METTL15: variants seen among roughly 807,000 people sequenced by gnomAD.
METTL15 encodes the protein methyltransferase 15, mitochondrial 12S rRNA N4-cytidine.
In METTL15, 34 loss-of-function variants were observed where a neutral mutation model predicts 38.3. That is an observed-to-expected ratio of 0.89 (90% CI 0.68 to 1.18). METTL15 has a LOEUF of 1.18. Ranked by LOEUF, METTL15 falls within the 50% of genes most tolerant of loss-of-function variation. The probability of loss-of-function intolerance (pLI) is 0.00; values close to 1 mark genes in which losing one functional copy is unlikely to be tolerated. For synonymous variants in METTL15, 162 were observed against 170.9 expected, an observed-to-expected ratio of 0.95 and a Z score of 0.41; for missense variants, 438 against 498.4, an observed-to-expected ratio of 0.88 and a Z score of 1.15.
chr11:28,438,647 G>C (rs1034551741), intron 6 of METTL15, among the ~76,000 whole-genome samples: 1 of 149,348 alleles, frequency 6.7e-6, no homozygotes, highest in Non-Finnish European at 1.5e-5. Flanking sequence ...TATAGATCAC[G>C]CTTTTTTTTT....
At chr11:28,152,324 C>T (rs936386396) in intron 3 of METTL15, among the ~76,000 whole-genome samples, 1 of 151,796 alleles carries the variant, frequency 6.6e-6, no homozygotes, top group African/African-American at 2.4e-5. Context: ...ACTAATGTCC[C>T]TTATGTTGAA....
chr11:28,472,812 C>CA (rs1851313957), intron 6 of METTL15, among the ~76,000 whole-genome samples: 1 of 152,096 alleles, frequency 6.6e-6, no homozygotes, highest in Admixed American at 6.6e-5. Context: ...TGAAAGAAAA[C>CA]AATAAACAAG....
At chr11:28,521,331 G>T (rs1851763415) in intron 6 of METTL15, among the ~76,000 whole-genome samples, 1 of 152,292 alleles carries the variant, frequency 6.6e-6, no homozygotes, top group African/African-American at 2.4e-5. Context: ...GGGCCCTCTA[G>T]TGCACTATTT....
intron 3 of METTL15, among the ~76,000 whole-genome samples, chr11:28,152,640 T>C (rs1850130638): frequency 6.6e-6 from 1 of 151,954 alleles, no homozygotes; most frequent in African/African-American, 2.4e-5. Flanking sequence ...CAGGATCCCC[T>C]TGGATACCAA....
At chr11:28,339,036 A>G (rs555581106) in intron 3 of METTL15, among the ~76,000 whole-genome samples, 14 of 152,242 alleles carry the variant, frequency 9.2e-5, no homozygotes, top group Admixed American at 2.6e-4. Context: ...TGGGAAGTAC[A>G]TGTAAATTTG....
intron 3 of METTL15, among the ~76,000 whole-genome samples, chr11:28,192,055 T>C (rs1018408849): frequency 2.0e-5 from 3 of 151,838 alleles, no homozygotes; most frequent in South Asian, 4.1e-4. Context: ...ACATCAAACA[T>C]AGGCAACTAA....
At chr11:28,140,932 C>T (rs571578515) in intron 3 of METTL15, among the ~76,000 whole-genome samples, 1 of 152,316 alleles carries the variant, frequency 6.6e-6, no homozygotes, top group South Asian at 2.1e-4. Context: ...GTGGGAGGTT[C>T]TCCAGGGATC....
chr11:28,119,095 C>T (rs941831085), intron 3 of METTL15, among the ~76,000 whole-genome samples: 1 of 152,100 alleles, frequency 6.6e-6, no homozygotes, highest in Admixed American at 6.6e-5. Flanking sequence ...CAGGTTTTAC[C>T]TTTTTATGGG....
intron 4 of METTL15, among the ~76,000 whole-genome samples, chr11:28,234,730 A>G (rs1227284801): frequency 1.1e-4 from 16 of 139,534 alleles, no homozygotes; most frequent in African/African-American, 2.2e-4. Context: ...AGTAGGTTGC[A>G]AAAATTTTCT....
At chr11:28,297,407 A>G (rs1856779652) in intron 6 of METTL15, among the ~76,000 whole-genome samples, 1 of 152,180 alleles carries the variant, frequency 6.6e-6, no homozygotes, top group Admixed American at 6.6e-5. Flanking sequence ...ATGCTAAAAT[A>G]AAATACAGTG....
chr11:28,431,924 A>G (rs1010246576), intron 6 of METTL15, among the ~76,000 whole-genome samples: 3 of 152,156 alleles, frequency 2.0e-5, no homozygotes, highest in Non-Finnish European at 4.4e-5. Context: ...CTAATTGGAC[A>G]ACAAGCAAGC....
intron 4 of METTL15, among the ~76,000 whole-genome samples, chr11:28,215,588 A>G (rs1473548480): frequency 2.0e-5 from 3 of 152,202 alleles, no homozygotes; most frequent in Non-Finnish European, 4.4e-5. Flanking sequence ...TCTATTCACA[A>G]CAGCTCCTAA....
intron 4 of METTL15, among the ~76,000 whole-genome samples, chr11:28,229,642 G>C (rs1307770575): frequency 2.0e-5 from 3 of 151,974 alleles, no homozygotes; most frequent in Non-Finnish European, 4.4e-5. Flanking sequence ...TCCCTTTTAA[G>C]CAGAGAACAT....
At chr11:28,411,884 C>T (rs915615414) in intron 5 of METTL15, among the ~76,000 whole-genome samples, 3 of 152,008 alleles carry the variant, frequency 2.0e-5, no homozygotes, top group African/African-American at 7.2e-5. Flanking sequence ...AGAACTTTTA[C>T]AATTCAATTG....
chr11:28,448,610 T>G (rs1045575338), intron 6 of METTL15, among the ~76,000 whole-genome samples: 1 of 152,190 alleles, frequency 6.6e-6, no homozygotes, highest in Non-Finnish European at 1.5e-5. Context: ...TTTCTCTGAT[T>G]TTGTTTTCTA....
At chr11:28,137,667 C>A (rs910846959) in intron 3 of METTL15, among the ~76,000 whole-genome samples, 72 of 152,144 alleles carry the variant, frequency 4.7e-4, no homozygotes, top group Non-Finnish European at 7.2e-4. Flanking sequence ...AGTATCTGAC[C>A]AGCATAATTC....
chr11:28,382,500 G>A (rs1422904108), intron 5 of METTL15, among the ~76,000 whole-genome samples: 1 of 152,064 alleles, frequency 6.6e-6, no homozygotes, highest in Non-Finnish European at 1.5e-5. Context: ...TTTACCATGT[G>A]CTTGTTCCCA....
chr11:28,396,498 A>G (rs1288428207), intron 5 of METTL15, among the ~76,000 whole-genome samples: 6 of 152,178 alleles, frequency 3.9e-5, no homozygotes, highest in Non-Finnish European at 8.8e-5. Flanking sequence ...CAATTGCTTC[A>G]AAGAGAATAA....
chr11:28,506,706 G>C (rs1167000628), intron 6 of METTL15, among the ~76,000 whole-genome samples: 1 of 148,522 alleles, frequency 6.7e-6, no homozygotes. Context: ...GGAGTTTATT[G>C]GTACCTGAAT....
Sources: gnomAD v4.1 joint callset for allele counts (sites outside exome capture counted in the v4.1 genomes callset) on GRCh38, gnomAD v4.1.1 for gene constraint, MANE v1.5 for transcripts, NCBI Gene and HGNC (gene_info 2026-07-23, HGNC 2026-07-21) for gene names.